CDH13: variants seen among roughly 807,000 people sequenced by gnomAD.
CDH13 encodes cadherin 13, also known as cadherin-13.
CDH13 carries 24 observed loss-of-function variants against 63.8 expected under a neutral mutation model. The ratio of observed to expected loss-of-function variants is 0.38; its 90% CI spans 0.27 to 0.53. The LOEUF (loss-of-function observed/expected upper bound fraction) is 0.53. CDH13 is among the 20% of genes least tolerant of loss of function. The pLI is 0.85. For missense variants in CDH13, 1,049 were observed against 903.1 expected (o/e 1.16, Z -2.07); for synonymous variants, 503 against 355.3 (o/e 1.42, Z -4.67).
At chr16:83,251,850 A>C (rs1333490330) in intron 5 of CDH13, among the ~76,000 whole-genome samples, 1 of 152,032 alleles carries the variant, frequency 6.6e-6, no homozygotes, top group African/African-American at 2.4e-5. Flanking sequence ...GGGTCCACCT[A>C]GAGGCAGGGA....
intron 10 of CDH13, chr16:83,717,119 G>A (rs1909036430): frequency 6.6e-6 from 1 of 152,224 alleles, no homozygotes; most frequent in African/African-American, 2.4e-5. Flanking sequence ...AATTAGCCAG[G>A]GGTAGTGGTG....
intron 6 of CDH13, among the ~76,000 whole-genome samples, chr16:83,471,586 C>G (rs763324269): frequency 3.9e-5 from 6 of 152,134 alleles, no homozygotes; most frequent in African/African-American, 1.2e-4. Flanking sequence ...TCTAACCACA[C>G]TTTTATGCCT....
intron 6 of CDH13, among the ~76,000 whole-genome samples, chr16:83,354,379 A>G (rs576771369): frequency 6.6e-6 from 1 of 152,298 alleles, no homozygotes; most frequent in South Asian, 2.1e-4. Context: ...TCCTCAGTAA[A>G]TTCATTCAAC....
chr16:83,247,032 C>T (rs149449879), intron 5 of CDH13, among the ~76,000 whole-genome samples: 2 of 152,274 alleles, frequency 1.3e-5, no homozygotes, highest in African/African-American at 4.8e-5. Context: ...CAGATTAGAT[C>T]TGTAGGTGAT....
At chr16:83,270,848 C>T (rs1028369106) in intron 5 of CDH13, among the ~76,000 whole-genome samples, 3 of 151,642 alleles carry the variant, frequency 2.0e-5, no homozygotes, top group Non-Finnish European at 4.4e-5. Context: ...CTTCTCTTTT[C>T]TCCTTCCTCA....
chr16:82,825,263 T>C (rs545926735), intron 1 of CDH13: 1 of 152,320 alleles, frequency 6.6e-6, no homozygotes, highest in Non-Finnish European at 1.5e-5. Context: ...TTTACCTTAG[T>C]CCTTCCAAAG....
chr16:83,275,917 T>A (rs560740033), intron 5 of CDH13, among the ~76,000 whole-genome samples: 9 of 152,336 alleles, frequency 5.9e-5, no homozygotes, highest in African/African-American at 2.2e-4. Context: ...CTTTCGTTTT[T>A]ATGCTTTATG....
At chr16:83,002,291 G>A (rs570779098) in intron 2 of CDH13, among the ~76,000 whole-genome samples, 17 of 152,330 alleles carry the variant, frequency 1.1e-4, no homozygotes, top group African/African-American at 3.6e-4. Context: ...ACTGCAGGAG[G>A]AGGAGAAGGC....
chr16:83,271,875 C>T (rs1201323634), intron 5 of CDH13, among the ~76,000 whole-genome samples: 1 of 152,138 alleles, frequency 6.6e-6, no homozygotes, highest in African/African-American at 2.4e-5. Flanking sequence ...TATGTTCAAG[C>T]CTCTTTAGCT....
At chr16:83,628,868 AT>A in intron 8 of CDH13, among the ~76,000 whole-genome samples, 1 of 152,198 alleles carries the variant, frequency 6.6e-6, no homozygotes, top group Admixed American at 6.5e-5. Flanking sequence ...AAACTTACCT[AT>A]TTTTTAAAAG....
rs12102484 is a variant in CDH13, at chr16:82,919,169, A to G, written c.157+60696A>G. On this transcript the variant is annotated intron_variant, in intron 2 of 13. Coordinates refer to ENST00000567109, the MANE Select transcript of CDH13 (RefSeq NM_001257.5). ...TGTGTTTTTTAAATGTTATATTTCA[A>G]TCTTACTTTTTACATCTTTGTCATA... is the stretch of plus-strand genomic sequence containing the variant. Among the ~76,000 whole-genome samples the G allele has an allele frequency of 4.6e-3, 693 of 152,244 alleles. 4 individuals carry two copies. Among genetic ancestry groups the G allele is most frequent in the African/African-American group, 0.016 (653 of 41,544 alleles).
At chr16:83,441,647 C>A (rs370813287) in intron 6 of CDH13, among the ~76,000 whole-genome samples, 3 of 152,158 alleles carry the variant, frequency 2.0e-5, no homozygotes, top group Non-Finnish European at 4.4e-5. Flanking sequence ...TTTCCTGATA[C>A]GGTTTATGAC....
chr16:83,358,270 C>T (rs2091095188), intron 6 of CDH13, among the ~76,000 whole-genome samples: 1 of 152,100 alleles, frequency 6.6e-6, no homozygotes. Context: ...GGAGCCACCT[C>T]ACCTAGGAAG....
intron 6 of CDH13, among the ~76,000 whole-genome samples, chr16:83,392,162 G>A (rs2091800579): frequency 6.6e-6 from 1 of 152,112 alleles, no homozygotes; most frequent in Admixed American, 6.5e-5. Flanking sequence ...GACTTCGGTA[G>A]CCTGAATTCC....
intron 1 of CDH13, among the ~76,000 whole-genome samples, chr16:82,852,111 C>G (rs984827455): frequency 1.3e-5 from 2 of 152,160 alleles, no homozygotes; most frequent in African/African-American, 4.8e-5. Flanking sequence ...TTCTCAACCT[C>G]GTGAGATTAA....
chr16:83,407,143 G>A (rs997470282), intron 6 of CDH13, among the ~76,000 whole-genome samples: 1 of 152,174 alleles, frequency 6.6e-6, no homozygotes, highest in African/African-American at 2.4e-5. Flanking sequence ...CAGGAAGACT[G>A]CAGTGAGCAA....
In CDH13 at chr16:83,757,788, T is replaced by G. The variant is rs138028201; in HGVS notation, c.1681+9538T>G. On this transcript the variant is annotated intron_variant, in intron 11 of 13. Transcript: ENST00000567109. ...GGCATTATGCAATATATTTGACAAT[T>G]TGGACATAATGGACAAGTTTCCCCA... 1.7e-3 allele frequency among the ~76,000 whole-genome samples: 261 copies of G among 152,260 alleles called. 2 individuals carry two copies. The highest frequency in any genetic ancestry group is 6.1e-3 in the African/African-American group (253 of 41,546).
At chr16:83,489,815 A>G (rs939769923) in intron 7 of CDH13, among the ~76,000 whole-genome samples, 2 of 152,214 alleles carry the variant, frequency 1.3e-5, no homozygotes, top group South Asian at 4.1e-4. Context: ...CATTTAATAC[A>G]GACTTTTGCA....
intron 2 of CDH13, among the ~76,000 whole-genome samples, chr16:82,905,502 C>T (rs1567648621): frequency 6.6e-6 from 1 of 150,488 alleles, no homozygotes; most frequent in Non-Finnish European, 1.5e-5. Flanking sequence ...AAAACAAAGC[C>T]TAAGAAAAAT....
Sources: allele counts gnomAD v4.1 joint callset (sites outside exome capture counted in the v4.1 genomes callset), GRCh38; gene constraint gnomAD v4.1.1; transcripts MANE v1.5; gene names NCBI Gene and HGNC (gene_info 2026-07-23, HGNC 2026-07-21).